AFF3: variants seen among roughly 807,000 people sequenced by gnomAD.
AFF3 encodes ALF transcription elongation factor 3.
AFF3 carries 32 observed loss-of-function variants against 129.7 expected under a neutral mutation model. That is an observed-to-expected ratio of 0.25 (90% CI 0.19 to 0.33). The LOEUF (loss-of-function observed/expected upper bound fraction) is 0.33, where lower values mean the gene tolerates loss of function less well. Among genes scored for constraint, AFF3 ranks in the 10% least tolerant of loss-of-function variants. The probability of loss-of-function intolerance (pLI) is 1.00; values close to 1 mark genes in which losing one functional copy is unlikely to be tolerated. For missense variants in AFF3, 1,373 were observed against 1,592.0 expected, an observed-to-expected ratio of 0.86 and a Z score of 2.34; for synonymous variants, 644 against 635.4, an observed-to-expected ratio of 1.01 and a Z score of -0.20.
intron 12 of AFF3, among the ~76,000 whole-genome samples, chr2:99,659,032 C>T (rs1686000833): frequency 1.3e-5 from 2 of 152,112 alleles, no homozygotes; most frequent in African/African-American, 4.8e-5. Context: ...TGATCTTGGC[C>T]CTTGTCAAAA....
intron 7 of AFF3, among the ~76,000 whole-genome samples, chr2:99,993,406 T>C (rs1680534190): frequency 1.3e-5 from 2 of 152,148 alleles, no homozygotes; most frequent in South Asian, 4.1e-4. Flanking sequence ...AAATAGAGAT[T>C]ATAATTAAAA....
chr2:99,764,543 A>T (rs1575910181), intron 8 of AFF3, among the ~76,000 whole-genome samples: 1 of 152,352 alleles, frequency 6.6e-6, no homozygotes, highest in Non-Finnish European at 1.5e-5. Context: ...AACAATAAAA[A>T]TGAAACATTA....
chr2:99,681,979 C>T (rs1674576662), intron 11 of AFF3, among the ~76,000 whole-genome samples: 1 of 148,372 alleles, frequency 6.7e-6, no homozygotes, highest in African/African-American at 2.5e-5. Flanking sequence ...CATCTTGGCT[C>T]ACTGCAACCT....
intron 7 of AFF3, among the ~76,000 whole-genome samples, chr2:99,913,515 T>C (rs1323619311): frequency 6.6e-6 from 1 of 152,212 alleles, no homozygotes; most frequent in Non-Finnish European, 1.5e-5. Context: ...TGTATATGTA[T>C]ATATGCACAT....
At chr2:99,609,302 T>C (rs1680686715) in intron 13 of AFF3, among the ~76,000 whole-genome samples, 1 of 152,042 alleles carries the variant, frequency 6.6e-6, no homozygotes, top group Non-Finnish European at 1.5e-5. Context: ...TCTTTAGCAT[T>C]GATTTATGAG....
chr2:99,933,567 C>G (rs967029712), intron 7 of AFF3, among the ~76,000 whole-genome samples: 1 of 152,076 alleles, frequency 6.6e-6, no homozygotes, highest in Non-Finnish European at 1.5e-5. Flanking sequence ...CATTGTTCAG[C>G]TCCCACTTAT....
At chr2:99,963,706 G>A (rs1259718995) in intron 7 of AFF3, among the ~76,000 whole-genome samples, 1 of 151,252 alleles carries the variant, frequency 6.6e-6, no homozygotes, top group African/African-American at 2.4e-5. Context: ...ATAACCCACA[G>A]ACAATTAAGA....
At chr2:99,928,256 A>C (rs964797299) in intron 7 of AFF3, among the ~76,000 whole-genome samples, 2 of 152,250 alleles carry the variant, frequency 1.3e-5, no homozygotes, top group African/African-American at 4.8e-5. Context: ...TAATATGGGA[A>C]GGGAAATTAA....
chr2:100,040,354 T>A (rs567077782), intron 4 of AFF3, among the ~76,000 whole-genome samples: 1 of 152,280 alleles, frequency 6.6e-6, no homozygotes, highest in Admixed American at 6.5e-5. Flanking sequence ...ACTACTTTGC[T>A]CCAGGAAAGA....
At chr2:99,828,385 G>T (rs1688263918) in intron 8 of AFF3, among the ~76,000 whole-genome samples, 1 of 152,220 alleles carries the variant, frequency 6.6e-6, no homozygotes, top group African/African-American at 2.4e-5. Context: ...GTCGCAACCG[G>T]CTGGCTGCCT....
chr2:99,880,178 A>G (rs1021450262), intron 7 of AFF3, among the ~76,000 whole-genome samples: 8 of 152,246 alleles, frequency 5.3e-5, no homozygotes, highest in African/African-American at 1.7e-4. Flanking sequence ...GCTAAAAACC[A>G]TAATATCACC....
Position 99,855,224 on chromosome 2 carries a change from T to A in AFF3, c.874-17700A>T, listed in dbSNP as rs143718315. ...GGGTTTCTTTTGGGTGTGATGGAAA[T>A]GTTTGAAAATTGGTTGTGGTGATGG... On this transcript the variant is annotated intron_variant, in intron 7 of 24. Coordinates refer to ENST00000672756, the MANE Select transcript of AFF3 (RefSeq NM_001386135.1). Among the ~76,000 whole-genome samples the A allele has an allele frequency of 2.6e-3, 398 of 152,280 alleles. 1 individual carries two copies. The highest frequency in any genetic ancestry group is 5.7e-3 in the Admixed American group (87 of 15,296).
At chr2:99,929,486 ATCT>A (rs1696516848) in intron 7 of AFF3, among the ~76,000 whole-genome samples, 1 of 152,198 alleles carries the variant, frequency 6.6e-6, no homozygotes, top group Non-Finnish European at 1.5e-5. Context: ...GTAACTGCTT[ATCT>A]TCTTCATTTT....
At chr2:99,960,304 T>C (rs1020104808) in intron 7 of AFF3, among the ~76,000 whole-genome samples, 1 of 152,124 alleles carries the variant, frequency 6.6e-6, no homozygotes, top group African/African-American at 2.4e-5. Context: ...GTTTAAATAA[T>C]AATAATACGG....
At chr2:99,650,872 C>A (rs1685177709) in intron 12 of AFF3, among the ~76,000 whole-genome samples, 1 of 149,032 alleles carries the variant, frequency 6.7e-6, no homozygotes, top group Non-Finnish European at 1.5e-5. Flanking sequence ...AGAAAAAAAT[C>A]ATAAAAAAGG....
intron 7 of AFF3, among the ~76,000 whole-genome samples, chr2:99,871,593 T>C (rs934444136): frequency 6.6e-6 from 1 of 151,356 alleles, no homozygotes; most frequent in East Asian, 1.9e-4. Flanking sequence ...ATTGTGAACA[T>C]TGTTACTACA....
At chr2:99,783,734 AAAAG>A (rs1451390701) in intron 8 of AFF3, among the ~76,000 whole-genome samples, 1 of 152,252 alleles carries the variant, frequency 6.6e-6, no homozygotes, top group East Asian at 1.9e-4. Flanking sequence ...AACTTCCAGA[AAAAG>A]AAAGAATGGT....
At chr2:99,555,466 G>T (rs3792118) in intron 22 of AFF3, among the ~76,000 whole-genome samples, 71,010 of 152,104 alleles carry the variant, frequency 0.47, 19,783 homozygotes, top group African/African-American at 0.79. Flanking sequence ...TATATTTCCA[G>T]AACAGACAGG....
chr2:100,105,928 C>T (rs776627792), intron 2 of AFF3: 3 of 1,329,512 alleles, frequency 2.3e-6, no homozygotes, highest in Non-Finnish European at 1.0e-6. Context: ...CCCTTTGTTC[C>T]TTTTTCTGGG....
Sources: gnomAD v4.1 joint callset for allele counts (sites outside exome capture counted in the v4.1 genomes callset) on GRCh38, gnomAD v4.1.1 for gene constraint, MANE v1.5 for transcripts, NCBI Gene and HGNC (gene_info 2026-07-23, HGNC 2026-07-21) for gene names.